The following GALNTL6 variants were observed in gnomAD, a reference collection of about 807,000 sequenced individuals.
GALNTL6 encodes polypeptide N-acetylgalactosaminyltransferase-like 6.
Under a neutral mutation model 73.7 loss-of-function variants are expected in GALNTL6, and 46 were observed. That is an observed-to-expected ratio of 0.62 (90% CI 0.49 to 0.80). The LOEUF is 0.80. Ranked by LOEUF, GALNTL6 falls within the 30% of genes least tolerant of loss-of-function variation. GALNTL6 has a pLI of 0.00. For synonymous variants in GALNTL6, 259 were observed against 263.7 expected, an observed-to-expected ratio of 0.98 and a Z score of 0.17; for missense variants, 604 against 755.0, an observed-to-expected ratio of 0.80 and a Z score of 2.34.
intron 7 of GALNTL6, among the ~76,000 whole-genome samples, chr4:172,845,467 A>T (rs1043339879): frequency 2.0e-5 from 3 of 152,154 alleles, no homozygotes; most frequent in Non-Finnish European, 4.4e-5. Flanking sequence ...TGGATTCCTG[A>T]TAAAAGCTGC....
At chr4:172,551,382 T>G (rs1354401054) in intron 5 of GALNTL6, among the ~76,000 whole-genome samples, 2 of 152,130 alleles carry the variant, frequency 1.3e-5, no homozygotes, top group Admixed American at 1.3e-4. Flanking sequence ...CAGAGTAACA[T>G]AATATATTTG....
At chr4:172,141,874 C>T (rs1733808977) in intron 2 of GALNTL6, among the ~76,000 whole-genome samples, 1 of 113,660 alleles carries the variant, frequency 8.8e-6, no homozygotes, top group African/African-American at 3.3e-5. Context: ...ATGACAAGAA[C>T]ACACACAAAC....
chr4:172,871,521 T>G (rs1019293905), intron 7 of GALNTL6, among the ~76,000 whole-genome samples: 2 of 151,742 alleles, frequency 1.3e-5, no homozygotes, highest in Admixed American at 1.3e-4. Flanking sequence ...TGCATGCATG[T>G]TCCAGGCTTC....
chr4:173,010,571 G>GTGTTTTTTTTGT (rs1161343766), intron 11 of GALNTL6, among the ~76,000 whole-genome samples: 1 of 151,320 alleles, frequency 6.6e-6, no homozygotes, highest in Non-Finnish European at 1.5e-5. Context: ...AATTTTTAGT[G>GTGTTTTTTTTGT]TGTTTTTTTT....
chr4:171,840,656 C>A (rs1965323), intron 2 of GALNTL6, among the ~76,000 whole-genome samples: 38,757 of 152,002 alleles, frequency 0.25, 5,139 homozygotes, highest in African/African-American at 0.31. Context: ...AGAGAAAAGA[C>A]AAATTAATTA....
chr4:172,178,131 G>A (rs1222329205), intron 2 of GALNTL6, among the ~76,000 whole-genome samples: 2 of 151,912 alleles, frequency 1.3e-5, no homozygotes, highest in African/African-American at 4.8e-5. Flanking sequence ...TGTGGCATTT[G>A]GTTCCAAGCC....
chr4:172,794,033 T>G (rs952712027), intron 5 of GALNTL6, among the ~76,000 whole-genome samples: 6 of 152,156 alleles, frequency 3.9e-5, no homozygotes, highest in African/African-American at 9.7e-5. Flanking sequence ...AAAAGAAAAT[T>G]TATGCAATAC....
chr4:172,606,048 C>T (rs1460470518), intron 5 of GALNTL6, among the ~76,000 whole-genome samples: 5 of 152,028 alleles, frequency 3.3e-5, no homozygotes, highest in Admixed American at 3.3e-4. Flanking sequence ...AGCCAAGACC[C>T]TGTGCAGGTT....
intron 2 of GALNTL6, among the ~76,000 whole-genome samples, chr4:171,865,407 TAATAGA>T (rs1298086315): frequency 6.6e-6 from 1 of 152,150 alleles, no homozygotes; most frequent in African/African-American, 2.4e-5. Flanking sequence ...GTAGAGGAAC[TAATAGA>T]AAAACTGAAT....
At chr4:172,628,172 C>T (rs1017612978) in intron 5 of GALNTL6, among the ~76,000 whole-genome samples, 1 of 152,056 alleles carries the variant, frequency 6.6e-6, no homozygotes, top group Non-Finnish European at 1.5e-5. Context: ...ACCTCTTAAT[C>T]ACTTTCTTGT....
At chr4:172,088,134 A>T (rs1206499568) in intron 2 of GALNTL6, among the ~76,000 whole-genome samples, 1 of 152,182 alleles carries the variant, frequency 6.6e-6, no homozygotes, top group Non-Finnish European at 1.5e-5. Flanking sequence ...AAAATAAATT[A>T]TGTTTTTATT....
intron 2 of GALNTL6, among the ~76,000 whole-genome samples, chr4:171,828,116 A>G (rs1734873257): frequency 6.6e-6 from 1 of 152,208 alleles, no homozygotes; most frequent in Non-Finnish European, 1.5e-5. Context: ...AGAAATGTAA[A>G]CAAATATAAA....
intron 2 of GALNTL6, among the ~76,000 whole-genome samples, chr4:172,082,657 T>A (rs1194721390): frequency 6.6e-6 from 1 of 152,162 alleles, no homozygotes; most frequent in Non-Finnish European, 1.5e-5. Context: ...CAGGGACCAG[T>A]TATCATTCTG....
chr4:172,953,422 CAA>C (rs749039149), intron 10 of GALNTL6, among the ~76,000 whole-genome samples: 8 of 152,224 alleles, frequency 5.3e-5, no homozygotes, highest in African/African-American at 7.2e-5. Flanking sequence ...TTTCAGAAAT[CAA>C]GAGTTGATTG....
At chr4:171,893,861 T>A (rs201894550) in intron 2 of GALNTL6, among the ~76,000 whole-genome samples, 2 of 151,910 alleles carry the variant, frequency 1.3e-5, no homozygotes, top group Non-Finnish European at 2.9e-5. Context: ...GGCCATAGAG[T>A]GGGATAGCCA....
At chr4:172,380,101 C>G in intron 5 of GALNTL6, 1 of 981,426 alleles carries the variant, frequency 1.0e-6, no homozygotes, top group Admixed American at 1.7e-5. Flanking sequence ...GTTGGTGTTT[C>G]CACTGCTCCT....
intron 2 of GALNTL6, among the ~76,000 whole-genome samples, chr4:171,856,260 A>T (rs1443676766): frequency 7.2e-6 from 1 of 139,612 alleles, no homozygotes; most frequent in Non-Finnish European, 1.5e-5. Flanking sequence ...CCACCACCAC[A>T]CCCGGCTACT....
chr4:171,908,353 T>C (rs886174140), intron 2 of GALNTL6, among the ~76,000 whole-genome samples: 4 of 151,938 alleles, frequency 2.6e-5, no homozygotes, highest in Non-Finnish European at 5.9e-5. Flanking sequence ...AACAGACACT[T>C]CTCAAAAGAA....
intron 3 of GALNTL6, among the ~76,000 whole-genome samples, chr4:172,284,810 T>C (rs9993844): frequency 6.6e-5 from 10 of 152,210 alleles, no homozygotes; most frequent in African/African-American, 2.4e-4. Flanking sequence ...TATGTGGCTT[T>C]ACTTCTGGGT....
Sources: allele counts gnomAD v4.1 joint callset (sites outside exome capture counted in the v4.1 genomes callset), GRCh38; gene constraint gnomAD v4.1.1; transcripts MANE v1.5; gene names NCBI Gene and HGNC (gene_info 2026-07-23, HGNC 2026-07-21).